Variants in KIAA0513 observed in about 807,000 individuals in gnomAD.
The protein encoded by KIAA0513 is uncharacterized protein KIAA0513.
In KIAA0513, 39 loss-of-function variants were observed where a neutral mutation model predicts 56.5. The ratio of observed to expected loss-of-function variants is 0.69; its 90% CI spans 0.53 to 0.90. KIAA0513 has a LOEUF of 0.90. KIAA0513 is among the 40% of genes least tolerant of loss of function. KIAA0513 has a pLI of 0.00. For missense variants in KIAA0513, 591 were observed against 535.2 expected (o/e 1.10, Z -1.03); for synonymous variants, 268 against 215.6 (o/e 1.24, Z -2.13).
intron 1 of KIAA0513, among the ~76,000 whole-genome samples, chr16:85,033,658 G>A (rs2072996854): frequency 6.6e-6 from 1 of 151,842 alleles, no homozygotes. Flanking sequence ...CTCCCTTTGG[G>A]CTGGGGGTGG....
At chr16:85,085,784 C>T (rs988903570) in intron 10 of KIAA0513, among the ~76,000 whole-genome samples, 2 of 152,218 alleles carry the variant, frequency 1.3e-5, no homozygotes, top group Admixed American at 1.3e-4. Context: ...CTCAGAACAC[C>T]CTCCCACTTC....
At chr16:85,038,155 G>T (rs1437396349) in intron 1 of KIAA0513, among the ~76,000 whole-genome samples, 1 of 152,114 alleles carries the variant, frequency 6.6e-6, no homozygotes, top group Non-Finnish European at 1.5e-5. Flanking sequence ...GCACCCCACT[G>T]GGCCACACTA....
intron 1 of KIAA0513, among the ~76,000 whole-genome samples, chr16:85,057,765 TTTTG>T (rs2073350167): frequency 6.9e-6 from 1 of 145,730 alleles, no homozygotes; most frequent in Non-Finnish European, 1.5e-5. Flanking sequence ...TGCTTTTTGT[TTTTG>T]TTTTTTTTTT....
intron 2 of KIAA0513, among the ~76,000 whole-genome samples, chr16:85,068,040 A>C (rs2073515082): frequency 6.6e-6 from 1 of 151,786 alleles, no homozygotes; most frequent in South Asian, 2.1e-4. Flanking sequence ...CGAACTCCTG[A>C]CCTCATGTGA....
In KIAA0513 at chr16:85,093,870, G is replaced by C. The variant is rs566115901; in HGVS notation, c.*5545G>C. On this transcript the variant is annotated 3_prime_UTR_variant, in exon 13 of 13. Coordinates refer to ENST00000683363, the MANE Select transcript of KIAA0513 (RefSeq NM_001388359.1). ...CATGTAAATGTGTCAGAACACGGTT[G>C]ACCTGCCGCCTTCTTGAACCTGGTG... 1 of 152,358 alleles carries C rather than the reference G, an allele frequency of 6.6e-6. No individual in the cohort carries two copies. The highest frequency in any genetic ancestry group is 2.1e-4 in the South Asian group (1 of 4,828). The allele number at this position is 152,358 out of a possible 1,614,324, so 9.4% of individuals were successfully genotyped here.
intron 1 of KIAA0513, among the ~76,000 whole-genome samples, chr16:85,048,024 G>T (rs948778585): frequency 6.6e-6 from 1 of 152,206 alleles, no homozygotes; most frequent in Admixed American, 6.5e-5. Flanking sequence ...AAGGAAACCA[G>T]AACCATAAGG....
chr16:85,043,248 C>T (rs889279553), intron 1 of KIAA0513, among the ~76,000 whole-genome samples: 1 of 152,058 alleles, frequency 6.6e-6, no homozygotes, highest in African/African-American at 2.4e-5. Context: ...ACTGAAAGCA[C>T]GAACCTGGAA....
At chr16:85,087,574 G>A (rs2073824069) in intron 12 of KIAA0513, among the ~76,000 whole-genome samples, 1 of 152,232 alleles carries the variant, frequency 6.6e-6, no homozygotes, top group Non-Finnish European at 1.5e-5. Flanking sequence ...CGGGGGACAA[G>A]GGTGGTGAGG....
chr16:85,071,965 C>A, intron 3 of KIAA0513, 83 bp downstream of exon 3: 2 of 901,858 alleles, frequency 2.2e-6, no homozygotes, highest in Non-Finnish European at 3.6e-6. Context: ...CTTTATCCTA[C>A]AATGACACTC....
chr16:85,078,350 C>A, intron 6 of KIAA0513, 65 bp from the exon 7 acceptor site: 1 of 1,567,608 alleles, frequency 6.4e-7, no homozygotes, highest in Non-Finnish European at 8.8e-7. Context: ...TGTAGAACAG[C>A]GTCTTTGAGT....
intron 5 of KIAA0513, among the ~76,000 whole-genome samples, chr16:85,077,024 GCCC>G (rs374674561): frequency 6.6e-6 from 1 of 150,744 alleles, no homozygotes; most frequent in Non-Finnish European, 1.5e-5. Context: ...CCTCCTCCAG[GCCC>G]CCCCCCAACC....
chr16:85,038,627 G>C (rs760624600), intron 1 of KIAA0513, among the ~76,000 whole-genome samples: 1 of 148,396 alleles, frequency 6.7e-6, no homozygotes, highest in Non-Finnish European at 1.5e-5. Flanking sequence ...AGAATCACTT[G>C]AACCTAGGAG....
intron 1 of KIAA0513, among the ~76,000 whole-genome samples, chr16:85,041,354 G>C (rs1198606116): frequency 6.6e-6 from 1 of 152,174 alleles, no homozygotes; most frequent in African/African-American, 2.4e-5. Context: ...TTCACCCAAA[G>C]AACGCAGCCC....
chr16:85,050,433 T>G (rs1197696462), intron 1 of KIAA0513, among the ~76,000 whole-genome samples: 1 of 151,358 alleles, frequency 6.6e-6, no homozygotes, highest in African/African-American at 2.4e-5. Flanking sequence ...CACTGCAACC[T>G]CCACCTCCCG....
chr16:85,076,526 C>A lies in KIAA0513; in HGVS notation c.574+612C>A, dbSNP rs1486181742. On this transcript the variant is annotated intron_variant, in intron 5 of 12. Transcript: ENST00000683363. This position sits in a 1 kb window ranked among gnomAD's most constrained non-coding sequence, Gnocchi z 4.7. The stretch of plus-strand genomic sequence containing the variant: ...TCAGGCCACCATAGGTGGGAGGTTG[C>A]TGGAAGCCTCCTCGTGGACTGGAGC... Among the ~76,000 whole-genome samples, 1 of 152,200 alleles carries A rather than the reference C, an allele frequency of 6.6e-6. No individual in the cohort carries two copies. Among genetic ancestry groups the A allele is most frequent in the East Asian group, 1.9e-4 (1 of 5,190 alleles).
chr16:85,078,334 T>C, intron 6 of KIAA0513, 81 bp from the exon 7 acceptor site: 3 of 1,497,130 alleles, frequency 2.0e-6, no homozygotes, highest in Non-Finnish European at 2.8e-6. Context: ...AGTCCCACCT[T>C]AGAAGTGTAG....
At chr16:85,043,883 T>G (rs2073136382) in intron 1 of KIAA0513, among the ~76,000 whole-genome samples, 1 of 152,042 alleles carries the variant, frequency 6.6e-6, no homozygotes, top group Non-Finnish European at 1.5e-5. Context: ...AAATACAAAA[T>G]TAGCCGGGCG....
At chr16:85,085,573 T>A (rs572999307) in intron 10 of KIAA0513, among the ~76,000 whole-genome samples, 2 of 152,318 alleles carry the variant, frequency 1.3e-5, no homozygotes, top group African/African-American at 4.8e-5. Context: ...TCGCAGCTGC[T>A]TCTGCAGGTA....
intron 1 of KIAA0513, among the ~76,000 whole-genome samples, chr16:85,053,584 T>G (rs773648725): frequency 6.6e-6 from 1 of 152,208 alleles, no homozygotes; most frequent in Non-Finnish European, 1.5e-5. Context: ...TTATCAAACT[T>G]AACAACTCAT....
Sources: allele counts gnomAD v4.1 joint callset (sites outside exome capture counted in the v4.1 genomes callset), GRCh38; gene constraint gnomAD v4.1.1; non-coding constraint Gnocchi (gnomAD v3.1); transcripts MANE v1.5; gene names NCBI Gene and HGNC (gene_info 2026-07-23, HGNC 2026-07-21).